The following MCPH1 variants were observed in gnomAD, a reference collection of about 807,000 sequenced individuals.
The protein encoded by MCPH1 is microcephalin.
In MCPH1, 104 loss-of-function variants were observed where a neutral mutation model predicts 84.5. The ratio of observed to expected loss-of-function variants is 1.23; its 90% CI spans 1.05 to 1.45. The LOEUF is 1.45. Among genes scored for constraint, MCPH1 ranks in the 40% most tolerant of loss-of-function variants. The pLI, the probability that MCPH1 is intolerant of heterozygous loss-of-function variation, is 0.00. For synonymous variants in MCPH1, 514 were observed against 366.8 expected (o/e 1.40, Z -4.58); for missense variants, 1,498 against 1,005.7 (o/e 1.49, Z -6.62).
At chr8:6,497,498 T>TCC (rs1388653022) in intron 11 of MCPH1, among the ~76,000 whole-genome samples, 1 of 151,594 alleles carries the variant, frequency 6.6e-6, no homozygotes, top group Admixed American at 6.6e-5. Context: ...GAAGACTGTC[T>TCC]AAAAAAAATA....
chr8:6,437,774 TCAAGACCATGGCC>T (rs1257787436), intron 5 of MCPH1, among the ~76,000 whole-genome samples: 1 of 152,108 alleles, frequency 6.6e-6, no homozygotes. Context: ...CTAACCCCCA[TCAAGACCATGGCC>T]CTGCTTCTGA....
rs180697128 is a variant in MCPH1 at position 6,621,760 on chromosome 8, C to T, written c.2452+69C>T. On this transcript the variant is annotated intron_variant, in intron 13 of 13. Coordinates refer to ENST00000344683, the MANE Select transcript of MCPH1 (RefSeq NM_024596.5). ...GTGGACAGGTTTCCAGGGAGGGCGG[C>T]GTCAGGCTCACACCCCCTTCCACGC... is the stretch of plus-strand genomic sequence containing the variant. 3.9e-4 allele frequency: 629 copies of T among 1,606,952 alleles called. 2 individuals carry two copies. The East Asian group carries it at 7.5e-3, about 19-fold the overall frequency.
Position 6,625,642 on chromosome 8 carries a change from G to C in MCPH1, c.2452+3951G>C, listed in dbSNP as rs542555035. The C allele has an allele frequency of 8.0e-5, 79 of 985,398 alleles. No individual in the cohort carries two copies. In the African/African-American group the frequency reaches 1.3e-3, roughly 16 times the overall value. The allele number at this position is 985,398 out of a possible 1,614,324, so 61.0% of individuals were successfully genotyped here. A position where few individuals can be genotyped will look rare whatever the true frequency, so the allele number is the denominator to read the frequency against. ...AGGTAGGGTCCCTGAGCGTCTTAGAGTAATTTGAGCCGGGCGTGGTGGCCC... is the reference window on the plus strand; with the variant it reads ...AGGTAGGGTCCCTGAGCGTCTTAGACTAATTTGAGCCGGGCGTGGTGGCCC... On this transcript the variant is annotated intron_variant, in intron 13 of 13. Transcript: ENST00000344683.
chr8:6,409,347 C>T lies in MCPH1; in HGVS notation c.91C>T (p.Gln31Ter). 6.2e-7 allele frequency: 1 copy of T among 1,613,780 alleles called. No individual in the cohort carries two copies. Among genetic ancestry groups the T allele is most frequent in the Non-Finnish European group, 8.5e-7 (1 of 1,179,720 alleles). ...TENYSKTFTT[Q>*]LVDMGAKVSK... ...AAATTATTCAAAGACATTTACAACA[C>T]AGCTTGTGGATATGGGGGCAAAGGT... The change falls in exon 2 of 14, where the codon CAG becomes TAG. Residue 31 changes from glutamine to a stop codon, truncating the protein, a stop_gained. Transcript: ENST00000344683. LOFTEE classifies it high-confidence loss of function.
intron 12 of MCPH1, among the ~76,000 whole-genome samples, chr8:6,535,807 G>A (rs1820378325): frequency 6.6e-6 from 1 of 152,064 alleles, no homozygotes; most frequent in Admixed American, 6.5e-5. Context: ...CAGCACTTTG[G>A]GAGGCCGAGG....
chr8:6,491,208 G>A (rs1329993777), intron 11 of MCPH1, among the ~76,000 whole-genome samples: 1 of 151,300 alleles, frequency 6.6e-6, no homozygotes, highest in Non-Finnish European at 1.5e-5. Context: ...TGAGTCAGTT[G>A]AAAAGACAAT....
chr8:6,564,317 G>C (rs2129576035), intron 12 of MCPH1, among the ~76,000 whole-genome samples: 1 of 152,226 alleles, frequency 6.6e-6, no homozygotes, highest in African/African-American at 2.4e-5. Context: ...TGACATCTCA[G>C]CATTTTGTAA....
chr8:6,543,309 TG>T (rs1166207757), intron 12 of MCPH1, among the ~76,000 whole-genome samples: 1 of 152,198 alleles, frequency 6.6e-6, no homozygotes, highest in East Asian at 1.9e-4. Context: ...TCCGCAAATG[TG>T]TTTGTACAGT....
At chr8:6,611,245 A>G (rs1167451715) in intron 12 of MCPH1, among the ~76,000 whole-genome samples, 2 of 152,078 alleles carry the variant, frequency 1.3e-5, no homozygotes, top group East Asian at 1.9e-4. Flanking sequence ...CTACAATCCA[A>G]TTGTGGCACC....
At chr8:6,465,392 C>G (rs1475054054) in intron 9 of MCPH1, among the ~76,000 whole-genome samples, 1 of 152,228 alleles carries the variant, frequency 6.6e-6, no homozygotes, top group East Asian at 1.9e-4. Flanking sequence ...GCGCTGCTCC[C>G]ACCACCCCAT....
chr8:6,477,277 G>C, intron 9 of MCPH1: 1 of 316,250 alleles, frequency 3.2e-6, no homozygotes, highest in South Asian at 4.2e-5. Context: ...TTCTCACTTT[G>C]AAGTGCATGA....
intron 12 of MCPH1, among the ~76,000 whole-genome samples, chr8:6,605,740 C>T (rs1320741539): frequency 6.6e-6 from 1 of 152,178 alleles, no homozygotes; most frequent in Non-Finnish European, 1.5e-5. Context: ...CTCTGTCACC[C>T]AGGCTGGAGT....
chr8:6,447,044 C>A, intron 8 of MCPH1: 1 of 985,386 alleles, frequency 1.0e-6, no homozygotes, highest in Non-Finnish European at 1.2e-6. Flanking sequence ...AGAAAACATT[C>A]TGTGTGCGCT....
intron 12 of MCPH1, among the ~76,000 whole-genome samples, chr8:6,550,597 G>A (rs572836328): frequency 6.6e-6 from 1 of 152,258 alleles, no homozygotes; most frequent in Non-Finnish European, 1.5e-5. Context: ...TGTGGGCTGT[G>A]TAGGGTGGCG....
chr8:6,438,414 A>G (rs1412772926), intron 5 of MCPH1, among the ~76,000 whole-genome samples: 2 of 152,110 alleles, frequency 1.3e-5, no homozygotes, highest in African/African-American at 4.8e-5. Flanking sequence ...CTTTGAGCAT[A>G]TGCAAGGTAG....
At chr8:6,534,288 T>C (rs1220071676) in intron 12 of MCPH1, among the ~76,000 whole-genome samples, 4 of 152,158 alleles carry the variant, frequency 2.6e-5, no homozygotes, top group Non-Finnish European at 4.4e-5. Flanking sequence ...GCATTGACAT[T>C]GTGTTAGGTA....
At chr8:6,415,004 C>T in intron 3 of MCPH1, 121 bp downstream of exon 3, 1 of 960,772 alleles carries the variant, frequency 1.0e-6, no homozygotes, top group African/African-American at 1.7e-5. Context: ...CTGCCTCTTA[C>T]CTCACCTAGT....
At chr8:6,479,711 G>A (rs1362627001) in intron 10 of MCPH1, among the ~76,000 whole-genome samples, 1 of 152,106 alleles carries the variant, frequency 6.6e-6, no homozygotes, top group East Asian at 1.9e-4. Flanking sequence ...GGGAGAGAGA[G>A]AAAACTAATG....
At chr8:6,481,851 C>T (rs894159425) in intron 11 of MCPH1, among the ~76,000 whole-genome samples, 1 of 152,106 alleles carries the variant, frequency 6.6e-6, no homozygotes, top group African/African-American at 2.4e-5. Context: ...CAGTAGTGCC[C>T]CTCTCATCCA....
Sources: allele counts gnomAD v4.1 joint callset (sites outside exome capture counted in the v4.1 genomes callset), GRCh38; gene constraint gnomAD v4.1.1; transcripts MANE v1.5; gene names NCBI Gene and HGNC (gene_info 2026-07-23, HGNC 2026-07-21).